ZRANB3: variants seen among roughly 807,000 people sequenced by gnomAD.
The protein encoded by ZRANB3 is DNA annealing helicase and endonuclease ZRANB3.
ZRANB3 carries 125 observed loss-of-function variants against 133.8 expected under a neutral mutation model. That is an observed-to-expected ratio of 0.93 (90% CI 0.81 to 1.08). The LOEUF is 1.08. ZRANB3 is among the 50% of genes least tolerant of loss of function. The pLI, the probability that ZRANB3 is intolerant of heterozygous loss-of-function variation, is 0.00. For missense variants in ZRANB3, 1,229 were observed against 1,275.5 expected (o/e 0.96, Z 0.56); for synonymous variants, 387 against 432.7 (o/e 0.89, Z 1.31).
At chr2:135,226,539 G>A (rs189021436) in intron 14 of ZRANB3, among the ~76,000 whole-genome samples, 6 of 152,320 alleles carry the variant, frequency 3.9e-5, no homozygotes, top group African/African-American at 1.4e-4. Context: ...GGCATTGTCT[G>A]GAGTGAATGA....
At chr2:135,339,209 C>T (rs1228362034) in intron 6 of ZRANB3, among the ~76,000 whole-genome samples, 2 of 152,030 alleles carry the variant, frequency 1.3e-5, no homozygotes, top group Non-Finnish European at 2.9e-5. Flanking sequence ...GTCAGGAGTT[C>T]GAGAACAGCT....
At chr2:135,342,789 A>AC in intron 6 of ZRANB3, among the ~76,000 whole-genome samples, 1 of 149,112 alleles carries the variant, frequency 6.7e-6, no homozygotes, top group East Asian at 1.9e-4. Context: ...ATTGAAAGAC[A>AC]CCCATAAACA....
chr2:135,248,620 G>A (rs542663144), intron 12 of ZRANB3, among the ~76,000 whole-genome samples: 148 of 152,232 alleles, frequency 9.7e-4, no homozygotes, highest in East Asian at 2.7e-3. Context: ...AAAAGTGGGC[G>A]AAGGGCCTGG....
intron 2 of ZRANB3, among the ~76,000 whole-genome samples, chr2:135,455,768 G>C (rs1232734145): frequency 6.6e-6 from 1 of 150,856 alleles, no homozygotes; most frequent in Non-Finnish European, 1.5e-5. Flanking sequence ...ATTTCTTTTT[G>C]AATTTTTAGT....
At chr2:135,249,959 G>A (rs2084452) in intron 12 of ZRANB3, among the ~76,000 whole-genome samples, 15,972 of 152,190 alleles carry the variant, frequency 0.1, 1,098 homozygotes, top group South Asian at 0.32. Context: ...TTTGGAACTG[G>A]GTAACAGGCA....
intron 12 of ZRANB3, among the ~76,000 whole-genome samples, chr2:135,252,015 C>T (rs1234991322): frequency 1.3e-5 from 2 of 152,190 alleles, no homozygotes; most frequent in Admixed American, 6.5e-5. Flanking sequence ...AGCCTGGCGA[C>T]AGAGCAGGAT....
chr2:135,505,376 C>A (rs941457316), intron 1 of ZRANB3, among the ~76,000 whole-genome samples: 16 of 152,028 alleles, frequency 1.1e-4, no homozygotes, highest in Admixed American at 8.5e-4. Flanking sequence ...GAGTTCAAGA[C>A]CAGACTGGCC....
chr2:135,472,623 T>C (rs1691320869), intron 2 of ZRANB3, among the ~76,000 whole-genome samples: 1 of 152,182 alleles, frequency 6.6e-6, no homozygotes, highest in Non-Finnish European at 1.5e-5. Flanking sequence ...GAATCTATGG[T>C]ATAACAGAAT....
chr2:135,437,284 T>C (rs1052022885), intron 2 of ZRANB3, among the ~76,000 whole-genome samples: 6 of 152,162 alleles, frequency 3.9e-5, no homozygotes, highest in African/African-American at 1.4e-4. Context: ...CATATAGCAA[T>C]GAGAATGAAG....
chr2:135,428,642 T>C (rs562913266), intron 2 of ZRANB3, among the ~76,000 whole-genome samples: 3 of 152,168 alleles, frequency 2.0e-5, no homozygotes, highest in Admixed American at 2.0e-4. Flanking sequence ...TGTAAGAAAC[T>C]TAAACAAGTT....
chr2:135,471,212 T>C (rs2104780374), intron 2 of ZRANB3, among the ~76,000 whole-genome samples: 1 of 152,048 alleles, frequency 6.6e-6, no homozygotes, highest in Non-Finnish European at 1.5e-5. Context: ...TAGAACATAG[T>C]GTAAAGAGAA....
Position 135,248,904 on chromosome 2 carries a change from TCAA to T in ZRANB3, c.1539+16627_1539+16629del, listed in dbSNP as rs796422861. ...CTGGGTGAGAAAGCAAGACTCTGTC[TCAA>T]CAACAACAACAACAAAAAAAAGTAG... On this transcript the variant is annotated intron_variant, in intron 12 of 20. Coordinates refer to ENST00000264159, the MANE Select transcript of ZRANB3 (RefSeq NM_032143.4). Among the ~76,000 whole-genome samples the T allele has an allele frequency of 1.9e-4, 29 of 151,814 alleles. No individual in the cohort carries two copies. The East Asian group carries it at 3.5e-3, about 18-fold the overall frequency.
chr2:135,296,873 C>T (rs537112668), intron 8 of ZRANB3, among the ~76,000 whole-genome samples: 9 of 152,288 alleles, frequency 5.9e-5, no homozygotes, highest in Admixed American at 2.0e-4. Context: ...GTATCAGCAG[C>T]GGTGGCTGCA....
At chr2:135,405,844 A>T (rs1687992994) in intron 2 of ZRANB3, among the ~76,000 whole-genome samples, 1 of 152,218 alleles carries the variant, frequency 6.6e-6, no homozygotes, top group Non-Finnish European at 1.5e-5. Context: ...AATTTATAGT[A>T]CTAAATGCCC....
At chr2:135,475,038 C>A (rs1443867780) in intron 2 of ZRANB3, among the ~76,000 whole-genome samples, 1 of 152,168 alleles carries the variant, frequency 6.6e-6, no homozygotes, top group Non-Finnish European at 1.5e-5. Context: ...TGGTAAGAAC[C>A]ATGGCATGCT....
rs1429159137 is a variant in ZRANB3, at chr2:135,420,121, ATAT to A, written c.162-29304_162-29302del. ...TATATATATATATATATATATATATATATAACTTATAGAGGATATTTCTAGAAG... is the reference window on the plus strand; with the variant it reads ...TATATATATATATATATATATATATAAACTTATAGAGGATATTTCTAGAAG... On this transcript the variant is annotated intron_variant, in intron 2 of 20. Coordinates refer to ENST00000264159, the MANE Select transcript of ZRANB3 (RefSeq NM_032143.4). Among the ~76,000 whole-genome samples the A allele has an allele frequency of 7.0e-3, 623 of 89,542 alleles. 6 individuals carry two copies. The highest frequency in any genetic ancestry group is 0.051 in the African/African-American group (596 of 11,758). 58.7% of individuals were successfully genotyped at this position (89,542 alleles called of 152,430 possible).
chr2:135,529,388 G>A lies in ZRANB3; in HGVS notation c.-8+1739C>T, dbSNP rs77203369. Reference sequence around the variant, plus strand: ...AAGGAGGCATAAATCAGGGCCTTACGTGCTAAGATTATTAGGCTGTGGGCT... The same window carrying A: ...AAGGAGGCATAAATCAGGGCCTTACATGCTAAGATTATTAGGCTGTGGGCT... On this transcript the variant is annotated intron_variant, in intron 1 of 20. Transcript: ENST00000264159. 9.0e-4 allele frequency among the ~76,000 whole-genome samples: 137 copies of A among 152,254 alleles called. 2 individuals carry two copies. In the East Asian group the frequency reaches 0.024, roughly 27 times the overall value.
chr2:135,233,058 G>C (rs1414982693), intron 12 of ZRANB3, among the ~76,000 whole-genome samples: 3 of 152,124 alleles, frequency 2.0e-5, no homozygotes, highest in African/African-American at 4.8e-5. Flanking sequence ...AAAATTAGAC[G>C]AATGGCTAAC....
At chr2:135,429,395 T>C (rs1474763452) in intron 2 of ZRANB3, among the ~76,000 whole-genome samples, 1 of 148,242 alleles carries the variant, frequency 6.7e-6, no homozygotes, top group African/African-American at 2.5e-5. Context: ...GGGTGGAGAG[T>C]GGGAGGAGGG....
Sources: gnomAD v4.1 joint callset for allele counts (sites outside exome capture counted in the v4.1 genomes callset) on GRCh38, gnomAD v4.1.1 for gene constraint, MANE v1.5 for transcripts, NCBI Gene and HGNC (gene_info 2026-07-23, HGNC 2026-07-21) for gene names.